NRXN1: variants seen among roughly 807,000 people sequenced by gnomAD.
NRXN1 encodes neurexin 1.
A neutral mutation model predicts 150.9 loss-of-function variants in NRXN1; 39 were observed. That is an observed-to-expected ratio of 0.26 (90% CI 0.20 to 0.34). The LOEUF (loss-of-function observed/expected upper bound fraction) is 0.34, where lower values mean the gene tolerates loss of function less well. Among genes scored for constraint, NRXN1 ranks in the 10% least tolerant of loss-of-function variants. NRXN1 has a pLI of 1.00. For missense variants in NRXN1, 1,815 were observed against 1,949.9 expected, an observed-to-expected ratio of 0.93 and a Z score of 1.30; for synonymous variants, 924 against 757.0, an observed-to-expected ratio of 1.22 and a Z score of -3.62.
At chr2:51,030,514 AT>A (rs1296467852) in intron 1 of NRXN1, among the ~76,000 whole-genome samples, 1 of 148,678 alleles carries the variant, frequency 6.7e-6, no homozygotes, top group Non-Finnish European at 1.5e-5. Flanking sequence ...GATGAAATTG[AT>A]GACTGGTTCT....
At position 50,072,106 on chromosome 2, in the gene NRXN1, A is replaced by T. The variant is rs371252990; in HGVS notation, c.3719-17062T>A. On this transcript the variant is annotated intron_variant, in intron 19 of 22. Transcript: ENST00000401669. The stretch of plus-strand genomic sequence containing the variant: ...ATATAGAACAACTTTTCCAAAAGGA[A>T]CTACTTAACCTCTCATACCATTAAA... Among the ~76,000 whole-genome samples, 9 of 152,320 alleles carry T rather than the reference A, an allele frequency of 5.9e-5. No individual in the cohort carries two copies. In the East Asian group the frequency reaches 1.3e-3, roughly 23 times the overall value.
At chr2:50,312,435 C>A (rs1407989528) in intron 17 of NRXN1, among the ~76,000 whole-genome samples, 1 of 147,966 alleles carries the variant, frequency 6.8e-6, no homozygotes, top group African/African-American at 2.5e-5. Flanking sequence ...TTTTTTTTTT[C>A]TTTTAATCTT....
chr2:50,230,777 C>T (rs772986538), intron 18 of NRXN1, among the ~76,000 whole-genome samples: 3 of 151,884 alleles, frequency 2.0e-5, no homozygotes, highest in Admixed American at 2.0e-4. Flanking sequence ...AATTAACTTC[C>T]AAGGGAAAAG....
intron 5 of NRXN1, among the ~76,000 whole-genome samples, chr2:50,709,109 A>G (rs1450675813): frequency 1.3e-5 from 2 of 152,142 alleles, no homozygotes; most frequent in Non-Finnish European, 2.9e-5. Context: ...CACAGCACTG[A>G]TGCCTCACAG....
intron 5 of NRXN1, among the ~76,000 whole-genome samples, chr2:50,641,603 C>A (rs1684088589): frequency 6.6e-6 from 1 of 152,044 alleles, no homozygotes; most frequent in Admixed American, 6.6e-5. Context: ...AGCAATTCCA[C>A]TGCATTCTGT....
At chr2:50,745,302 C>T (rs979791248) in intron 5 of NRXN1, among the ~76,000 whole-genome samples, 28 of 143,476 alleles carry the variant, frequency 2.0e-4, no homozygotes, top group Non-Finnish European at 3.2e-4. Flanking sequence ...TATATCTGCC[C>T]CCCCCCAGGA....
chr2:50,941,005 G>C (rs1345571937), intron 2 of NRXN1, among the ~76,000 whole-genome samples: 3 of 152,096 alleles, frequency 2.0e-5, no homozygotes. Flanking sequence ...TGGCCTGATG[G>C]GAGGTGATTG....
intron 18 of NRXN1, among the ~76,000 whole-genome samples, chr2:50,179,972 AT>A (rs1328621010): frequency 6.6e-6 from 1 of 152,062 alleles, no homozygotes; most frequent in Non-Finnish European, 1.5e-5. Flanking sequence ...AACAGTTTTT[AT>A]TATTTTCAGT....
At chr2:50,940,180 A>G (rs973630775) in intron 2 of NRXN1, among the ~76,000 whole-genome samples, 3 of 152,118 alleles carry the variant, frequency 2.0e-5, no homozygotes, top group African/African-American at 7.2e-5. Context: ...ATCTTATTTA[A>G]AAGATAAGAA....
chr2:50,703,667 G>A (rs1458679009), intron 5 of NRXN1, among the ~76,000 whole-genome samples: 1 of 152,126 alleles, frequency 6.6e-6, no homozygotes, highest in Non-Finnish European at 1.5e-5. Flanking sequence ...TAATTTAATA[G>A]CAACTTAATT....
intron 18 of NRXN1, among the ~76,000 whole-genome samples, chr2:50,231,956 T>G (rs2064982961): frequency 6.6e-6 from 1 of 152,148 alleles, no homozygotes; most frequent in Non-Finnish European, 1.5e-5. Flanking sequence ...CATCGTAACT[T>G]AAACATGTCT....
intron 12 of NRXN1, among the ~76,000 whole-genome samples, chr2:50,507,207 C>G (rs1344971587): frequency 6.6e-6 from 1 of 152,070 alleles, no homozygotes; most frequent in Non-Finnish European, 1.5e-5. Flanking sequence ...TTCTTAGGTT[C>G]TTTAGCCTCC....
At chr2:50,479,513 C>G (rs1009990503) in intron 15 of NRXN1, among the ~76,000 whole-genome samples, 1 of 152,146 alleles carries the variant, frequency 6.6e-6, no homozygotes, top group Non-Finnish European at 1.5e-5. Context: ...TTAGTTTATA[C>G]ATTATTTGAA....
chr2:50,269,357 T>G (rs761301438), intron 17 of NRXN1, among the ~76,000 whole-genome samples: 2 of 152,234 alleles, frequency 1.3e-5, no homozygotes, highest in Non-Finnish European at 2.9e-5. Context: ...TGTAGCTGTA[T>G]TTTCACTTAA....
chr2:50,346,583 T>C lies in NRXN1; in HGVS notation c.3365-109613A>G. 8.3e-7 allele frequency: 1 copy of C among 1,201,318 alleles called. No homozygotes were observed. Among genetic ancestry groups the C allele is most frequent in the Non-Finnish European group, 1.2e-6 (1 of 827,460 alleles). 74.4% of individuals were successfully genotyped at this position (1,201,318 alleles called of 1,614,324 possible). A position where few individuals can be genotyped will look rare whatever the true frequency, so the allele number is the denominator to read the frequency against. On this transcript the variant is annotated intron_variant, in intron 17 of 22. Coordinates refer to ENST00000401669, the MANE Select transcript of NRXN1 (RefSeq NM_001330078.2). This position sits in a 1 kb window ranked among gnomAD's most constrained non-coding sequence, Gnocchi z 5.0. Reference sequence around the variant, plus strand: ...CCAAGCACACCCAAATGCACCTCCCTTTTGTCGAGCTCCCATTTCTCTGAG... The same window carrying C: ...CCAAGCACACCCAAATGCACCTCCCCTTTGTCGAGCTCCCATTTCTCTGAG...
intron 6 of NRXN1, among the ~76,000 whole-genome samples, chr2:50,622,033 T>C (rs913465837): frequency 1.3e-5 from 2 of 152,122 alleles, no homozygotes; most frequent in African/African-American, 4.8e-5. Context: ...CTGGTTTCTT[T>C]GTGCATATCT....
intron 12 of NRXN1, among the ~76,000 whole-genome samples, chr2:50,518,987 T>C (rs1176922310): frequency 2.0e-5 from 3 of 151,942 alleles, no homozygotes; most frequent in Non-Finnish European, 4.4e-5. Flanking sequence ...GAAGTCATTA[T>C]AATGCGTAGA....
chr2:50,603,920 C>T (rs947412170), intron 8 of NRXN1, among the ~76,000 whole-genome samples: 6 of 152,156 alleles, frequency 3.9e-5, no homozygotes, highest in African/African-American at 1.4e-4. Context: ...TGCTTCCGAC[C>T]ACTCAAGCTC....
At chr2:50,338,124 A>T (rs536545702) in intron 17 of NRXN1, among the ~76,000 whole-genome samples, 1 of 152,364 alleles carries the variant, frequency 6.6e-6, no homozygotes, top group Admixed American at 6.5e-5. Flanking sequence ...AGCATGTCCA[A>T]TTAGCCACTT....
Sources: allele counts gnomAD v4.1 joint callset (sites outside exome capture counted in the v4.1 genomes callset), GRCh38; gene constraint gnomAD v4.1.1; non-coding constraint Gnocchi (gnomAD v3.1); transcripts MANE v1.5; gene names NCBI Gene and HGNC (gene_info 2026-07-23, HGNC 2026-07-21).